The following GAS2 variants were observed in gnomAD, a reference collection of about 807,000 sequenced individuals.
GAS2 encodes growth arrest specific 2.
Under a neutral mutation model 37.5 loss-of-function variants are expected in GAS2, and 20 were observed. That is an observed-to-expected ratio of 0.53 (90% CI 0.37 to 0.77). The LOEUF (loss-of-function observed/expected upper bound fraction) is 0.77, where lower values mean the gene tolerates loss of function less well. Ranked by LOEUF, GAS2 falls within the 30% of genes least tolerant of loss-of-function variation. The pLI is 0.00. For synonymous variants in GAS2, 144 were observed against 132.2 expected (o/e 1.09, Z -0.61); for missense variants, 336 against 373.4 (o/e 0.90, Z 0.82).
chr11:22,649,906 T>C (rs1412400426), intron 1 of GAS2, among the ~76,000 whole-genome samples: 1 of 152,110 alleles, frequency 6.6e-6, no homozygotes, highest in Non-Finnish European at 1.5e-5. Context: ...GTTTTTTGTG[T>C]CTCTATTTCC....
chr11:22,722,271 T>C (rs1317601947), intron 3 of GAS2, among the ~76,000 whole-genome samples: 2 of 151,966 alleles, frequency 1.3e-5, no homozygotes, highest in Non-Finnish European at 2.9e-5. Context: ...TGTTCTCTTA[T>C]AGGGTCAATC....
intron 1 of GAS2, among the ~76,000 whole-genome samples, chr11:22,638,401 A>G (rs1858867634): frequency 6.7e-6 from 1 of 150,206 alleles, no homozygotes; most frequent in Non-Finnish European, 1.5e-5. Context: ...GCTGGAGTGC[A>G]GTGGCGTGAT....
At chr11:22,759,472 AT>A (rs1242129735) in intron 7 of GAS2, among the ~76,000 whole-genome samples, 1 of 152,018 alleles carries the variant, frequency 6.6e-6, no homozygotes, top group Admixed American at 6.6e-5. Flanking sequence ...CCAAATGGGA[AT>A]TTTTTTTGTT....
At chr11:22,686,370 G>A (rs1037579195) in intron 3 of GAS2, among the ~76,000 whole-genome samples, 3 of 151,746 alleles carry the variant, frequency 2.0e-5, no homozygotes, top group Non-Finnish European at 2.9e-5. Context: ...AAGAAAACAA[G>A]AGAGATTGTA....
intron 7 of GAS2, among the ~76,000 whole-genome samples, chr11:22,789,301 TATACAC>T (rs1323157201): frequency 1.2e-4 from 12 of 98,204 alleles, no homozygotes; most frequent in Admixed American, 2.3e-4. Flanking sequence ...TATATATATA[TATACAC>T]ACACACACAC....
chr11:22,707,052 T>C (rs558112028), intron 3 of GAS2, among the ~76,000 whole-genome samples: 2 of 152,262 alleles, frequency 1.3e-5, no homozygotes, highest in Non-Finnish European at 1.5e-5. Flanking sequence ...TGGTATCTCA[T>C]TGTGGTTTTG....
intron 3 of GAS2, among the ~76,000 whole-genome samples, chr11:22,712,226 T>C (rs1211316731): frequency 3.9e-5 from 6 of 152,168 alleles, no homozygotes; most frequent in Non-Finnish European, 7.3e-5. Flanking sequence ...ACTTCACTGC[T>C]AGCATAACCA....
At chr11:22,725,056 T>C (rs1362120482) in intron 3 of GAS2, among the ~76,000 whole-genome samples, 2 of 152,064 alleles carry the variant, frequency 1.3e-5, no homozygotes, top group African/African-American at 4.8e-5. Context: ...TTTTTGCTTG[T>C]TGAGGCAAAG....
At chr11:22,637,771 A>G in intron 1 of GAS2, among the ~76,000 whole-genome samples, 1 of 145,428 alleles carries the variant, frequency 6.9e-6, no homozygotes, top group African/African-American at 2.5e-5. Context: ...TTATATTTAT[A>G]TATTATTCAT....
chr11:22,802,605 A>C (rs1394720904), intron 7 of GAS2, among the ~76,000 whole-genome samples: 1 of 152,110 alleles, frequency 6.6e-6, no homozygotes, highest in Non-Finnish European at 1.5e-5. Context: ...CCAATTGTTA[A>C]AAATGATGAC....
At chr11:22,733,151 C>A (rs1288242337) in intron 4 of GAS2, among the ~76,000 whole-genome samples, 2 of 151,304 alleles carry the variant, frequency 1.3e-5, no homozygotes, top group Non-Finnish European at 3.0e-5. Flanking sequence ...CATATGGTTA[C>A]CTCATAAAGG....
chr11:22,802,030 C>T (rs566963742), intron 7 of GAS2, among the ~76,000 whole-genome samples: 1 of 151,706 alleles, frequency 6.6e-6, no homozygotes, highest in Non-Finnish European at 1.5e-5. Flanking sequence ...AGCAAAAAGA[C>T]AACTTTGAGA....
intron 3 of GAS2, among the ~76,000 whole-genome samples, chr11:22,712,493 A>G (rs549809076): frequency 6.6e-6 from 1 of 152,326 alleles, no homozygotes; most frequent in East Asian, 1.9e-4. Context: ...TATTCCTAGA[A>G]GAAAGGGGAG....
At chr11:22,730,325 A>G (rs886261645) in intron 4 of GAS2, among the ~76,000 whole-genome samples, 6 of 151,814 alleles carry the variant, frequency 4.0e-5, no homozygotes, top group African/African-American at 1.2e-4. Flanking sequence ...TTATGATGCA[A>G]TTGGACCAAT....
chr11:22,655,134 A>G (rs1178035447), intron 1 of GAS2, among the ~76,000 whole-genome samples: 1 of 152,000 alleles, frequency 6.6e-6, no homozygotes, highest in Non-Finnish European at 1.5e-5. Flanking sequence ...TCCTTTTCTG[A>G]AGACTGTACA....
At chr11:22,688,638 A>G (rs1185067611) in intron 3 of GAS2, among the ~76,000 whole-genome samples, 2 of 152,124 alleles carry the variant, frequency 1.3e-5, no homozygotes, top group Non-Finnish European at 2.9e-5. Flanking sequence ...AAAGAAAAGA[A>G]TTTTTTTCAG....
chr11:22,652,748 C>G (rs961593783), intron 1 of GAS2, among the ~76,000 whole-genome samples: 1 of 152,244 alleles, frequency 6.6e-6, no homozygotes, highest in Admixed American at 6.5e-5. Flanking sequence ...CTTGCGCTTC[C>G]CCAGTGAGGC....
chr11:22,660,944 A>G (rs1848909553), intron 1 of GAS2, among the ~76,000 whole-genome samples: 1 of 152,198 alleles, frequency 6.6e-6, no homozygotes, highest in African/African-American at 2.4e-5. Flanking sequence ...TAAGTGTCAT[A>G]TCTTTAAGTG....
rs912448213 is a variant in GAS2, at chr11:22,694,616, A to T, written c.267+8827A>T. ...GTTCTAATTCCTTTATCTATATCATACCAAGTGATTCCTGGCTTTTTGTGC... is the reference window on the plus strand; with the variant it reads ...GTTCTAATTCCTTTATCTATATCATTCCAAGTGATTCCTGGCTTTTTGTGC... On this transcript the variant is annotated intron_variant, in intron 3 of 7. Transcript: ENST00000454584. 4.6e-5 allele frequency among the ~76,000 whole-genome samples: 7 copies of T among 152,194 alleles called. No homozygotes were observed. The East Asian group carries it at 1.3e-3, about 29-fold the overall frequency.
Sources: allele counts gnomAD v4.1 joint callset (sites outside exome capture counted in the v4.1 genomes callset), GRCh38; gene constraint gnomAD v4.1.1; transcripts MANE v1.5; gene names NCBI Gene and HGNC (gene_info 2026-07-23, HGNC 2026-07-21).